The following PTTG1IP variants were observed in gnomAD, a reference collection of about 807,000 sequenced individuals.
PTTG1IP encodes pituitary tumor-transforming gene 1 protein-interacting protein.
PTTG1IP carries 16 observed loss-of-function variants against 24.4 expected under a neutral mutation model. The ratio of observed to expected loss-of-function variants is 0.66; its 90% CI spans 0.44 to 1.00. The LOEUF is 1.00. PTTG1IP is among the 50% of genes least tolerant of loss of function. The pLI, the probability that PTTG1IP is intolerant of heterozygous loss-of-function variation, is 0.00. For missense variants in PTTG1IP, 241 were observed against 245.8 expected (o/e 0.98, Z 0.13); for synonymous variants, 89 against 96.8 (o/e 0.92, Z 0.47).
chr21:44,857,505 C>G (rs1396607152), intron 3 of PTTG1IP, among the ~76,000 whole-genome samples: 2 of 152,184 alleles, frequency 1.3e-5, no homozygotes, highest in South Asian at 2.1e-4. Flanking sequence ...CAAAAAACAC[C>G]CAGCCAGCCT....
chr21:44,858,855 A>C (rs1330858355), intron 3 of PTTG1IP, among the ~76,000 whole-genome samples: 1 of 152,228 alleles, frequency 6.6e-6, no homozygotes, highest in Non-Finnish European at 1.5e-5. Context: ...GACTGAACTT[A>C]GGGTGACTGG....
At chr21:44,858,283 T>C (rs988014353) in intron 3 of PTTG1IP, among the ~76,000 whole-genome samples, 1 of 152,246 alleles carries the variant, frequency 6.6e-6, no homozygotes. Flanking sequence ...GTTCTAAGGT[T>C]ACCTGTAAGA....
At chr21:44,865,801 T>G in intron 1 of PTTG1IP, 1 of 344,512 alleles carries the variant, frequency 2.9e-6, no homozygotes, top group Non-Finnish European at 5.4e-6. Flanking sequence ...ACCACAAACC[T>G]GCTGGGACCT....
rs140570695 is a variant in PTTG1IP, at chr21:44,857,827, T to C, written c.278-1463A>G. On this transcript the variant is annotated intron_variant, in intron 3 of 5. Coordinates refer to ENST00000330938, the MANE Select transcript of PTTG1IP (RefSeq NM_004339.4). ...CAAATGCCTTTTGAGCTTTTAATCC[T>C]GTGTTTTTTCCTCCTCTGACCTGTT... is the stretch of plus-strand genomic sequence containing the variant. 2.2e-4 allele frequency among the ~76,000 whole-genome samples: 34 copies of C among 152,370 alleles called. 2 individuals are homozygous for C. In the East Asian group the frequency reaches 6.6e-3, roughly 29 times the overall value.
Position 44,854,450 on chromosome 21 carries a change from A to C in PTTG1IP, c.496+760T>G, listed in dbSNP as rs534470849. ...TCCCACCATGTCCATGACGCCACACAACCACAAACCCAGCGCGGGAGACGC... is the reference window on the plus strand; with the variant it reads ...TCCCACCATGTCCATGACGCCACACCACCACAAACCCAGCGCGGGAGACGC... On this transcript the variant is annotated intron_variant, in intron 5 of 5. Coordinates refer to ENST00000330938, the MANE Select transcript of PTTG1IP (RefSeq NM_004339.4). Among the ~76,000 whole-genome samples the C allele has an allele frequency of 8.0e-5, 9 of 112,598 alleles. No individual in the cohort carries two copies. The South Asian group carries it at 9.5e-4, about 12-fold the overall frequency. The allele number at this position is 112,598 out of a possible 152,430, so 73.9% of individuals were successfully genotyped here. A position where few individuals can be genotyped will look rare whatever the true frequency, so the allele number is the denominator to read the frequency against.
intron 4 of PTTG1IP, 94 bp downstream of exon 4, chr21:44,856,099 G>A (rs1254830327): frequency 1.4e-5 from 22 of 1,609,264 alleles, no homozygotes; most frequent in Non-Finnish European, 1.9e-5. Context: ...TAAAAACTGA[G>A]GAAAACTCAG....
At chr21:44,856,564 TCTC>T (rs771871063) in intron 3 of PTTG1IP, among the ~76,000 whole-genome samples, 200 bp from the exon 4 acceptor site, 7 of 152,186 alleles carry the variant, frequency 4.6e-5, no homozygotes, top group African/African-American at 7.2e-5. Flanking sequence ...CCTCTCCAAG[TCTC>T]CTTTCAGCCA....
At chr21:44,872,367 A>C (rs1389983340) in intron 1 of PTTG1IP, among the ~76,000 whole-genome samples, 1 of 152,234 alleles carries the variant, frequency 6.6e-6, no homozygotes, top group Non-Finnish European at 1.5e-5. Flanking sequence ...CACAAAAAGA[A>C]AAGGTGCTCT....
chr21:44,869,813 G>A (rs138362954), intron 1 of PTTG1IP, among the ~76,000 whole-genome samples: 56 of 152,244 alleles, frequency 3.7e-4, no homozygotes, highest in Middle Eastern at 6.8e-3. Context: ...ACACCCACTC[G>A]AGTCCTTCCT....
chr21:44,857,912 T>C (rs897645594), intron 3 of PTTG1IP, among the ~76,000 whole-genome samples: 4 of 152,220 alleles, frequency 2.6e-5, no homozygotes, highest in East Asian at 1.9e-4. Context: ...GGGACCTTCA[T>C]TGGCAGAAGA....
chr21:44,868,384 C>T (rs1408718490), intron 1 of PTTG1IP, among the ~76,000 whole-genome samples: 2 of 152,306 alleles, frequency 1.3e-5, no homozygotes, highest in Admixed American at 6.5e-5. Flanking sequence ...CAACACCCAG[C>T]AGCAGAGGTG....
chr21:44,870,988 C>T (rs1408338103), intron 1 of PTTG1IP, among the ~76,000 whole-genome samples: 1 of 152,228 alleles, frequency 6.6e-6, no homozygotes, highest in South Asian at 2.1e-4. Flanking sequence ...AGGCCACAGG[C>T]TGCAGTCTCC....
chr21:44,856,080 C>G, intron 4 of PTTG1IP, 113 bp downstream of exon 4: 1 of 1,597,332 alleles, frequency 6.3e-7, no homozygotes, highest in Non-Finnish European at 8.5e-7. Flanking sequence ...TATACACATT[C>G]TTAATTTCTA....
intron 5 of PTTG1IP, among the ~76,000 whole-genome samples, chr21:44,854,202 T>A (rs2083432083): frequency 6.6e-6 from 1 of 152,138 alleles, no homozygotes; most frequent in South Asian, 2.1e-4. Flanking sequence ...ATGCCCCCAG[T>A]GGGTGGGACC....
intron 4 of PTTG1IP, 47 bp downstream of exon 4, chr21:44,856,146 G>A (rs745339093): frequency 6.2e-7 from 1 of 1,613,412 alleles, no homozygotes; most frequent in East Asian, 2.2e-5. Flanking sequence ...TTGCAGATCT[G>A]AATCCCCTCG....
Position 44,873,557 on chromosome 21 carries a change from G to A in PTTG1IP, c.60C>T (p.Ala20=). The change falls in exon 1 of 6, where the codon GCC becomes GCT. Residue 20 remains alanine, a synonymous_variant. Coordinates refer to ENST00000330938, the MANE Select transcript of PTTG1IP (RefSeq NM_004339.4). ...TPYWRLRLGG[A]ALLLLLIPVA... ...CCGGGATGAGCAGCAGGAGCAGCGCGGCGCCACCGAGGCGCAACCTCCAGT... is the reference window on the plus strand; with the variant it reads ...CCGGGATGAGCAGCAGGAGCAGCGCAGCGCCACCGAGGCGCAACCTCCAGT... The A allele has an allele frequency of 2.0e-6, 3 of 1,473,512 alleles. No individual in the cohort carries two copies. Among genetic ancestry groups the A allele is most frequent in the Non-Finnish European group, 2.7e-6 (3 of 1,118,326 alleles). 91.3% of individuals were successfully genotyped at this position (1,473,512 alleles called of 1,614,324 possible).
intron 3 of PTTG1IP, 35 bp downstream of exon 3, chr21:44,861,128 G>A (rs769172206): frequency 6.4e-6 from 10 of 1,568,004 alleles, no homozygotes; most frequent in South Asian, 2.2e-5. Flanking sequence ...AAGAAGCATC[G>A]ATTTTGCAAG....
At chr21:44,863,771 G>A (rs2083512667) in intron 2 of PTTG1IP, among the ~76,000 whole-genome samples, 1 of 152,226 alleles carries the variant, frequency 6.6e-6, no homozygotes. Flanking sequence ...CATCACCAAT[G>A]TCAAGATCTG....
rs11909942 is a variant in PTTG1IP, at chr21:44,858,219, C to A, written c.278-1855G>T. ...TTTTCCTTCAAGTAAGCATGTTTAT[C>A]AGGCCATTACAATTAAAGCTCCAAA... On this transcript the variant is annotated intron_variant, in intron 3 of 5. Coordinates refer to ENST00000330938, the MANE Select transcript of PTTG1IP (RefSeq NM_004339.4). 8.5e-3 allele frequency among the ~76,000 whole-genome samples: 1,296 copies of A among 152,336 alleles called. 16 individuals are homozygous for A. Among genetic ancestry groups the A allele is most frequent in the African/African-American group, 0.025 (1,019 of 41,572 alleles).
Sources: allele counts gnomAD v4.1 joint callset (sites outside exome capture counted in the v4.1 genomes callset), GRCh38; gene constraint gnomAD v4.1.1; transcripts MANE v1.5; gene names NCBI Gene and HGNC (gene_info 2026-07-23, HGNC 2026-07-21).